The following SPTBN2 variants were observed in gnomAD, a reference collection of about 807,000 sequenced individuals.
SPTBN2 encodes spectrin beta, non-erythrocytic 2, also known as spectrin beta chain, non-erythrocytic 2.
Under a neutral mutation model 284.2 loss-of-function variants are expected in SPTBN2, and 107 were observed. The observed-to-expected ratio is 0.38, with a 90% CI of 0.32 to 0.44. The LOEUF is 0.44. SPTBN2 is among the 20% of genes least tolerant of loss of function. The pLI is 1.00. For missense variants in SPTBN2, 2,569 were observed against 3,287.1 expected (o/e 0.78, Z 5.34); for synonymous variants, 1,289 against 1,354.8 (o/e 0.95, Z 1.07).
chr11:66,713,888 C>T, intron 7 of SPTBN2, 142 bp from the exon 8 acceptor site: 2 of 865,844 alleles, frequency 2.3e-6, no homozygotes, highest in Non-Finnish European at 3.8e-6. Context: ...CTGCTGCTCA[C>T]AGCCCCTCCC....
Position 66,705,857 on chromosome 11 carries a change from T to G in SPTBN2, c.1654-20A>C, listed in dbSNP as rs1361545695. 10 of 1,611,354 alleles carry G rather than the reference T, an allele frequency of 6.2e-6. No homozygotes were observed. Among genetic ancestry groups the G allele is most frequent in the Non-Finnish European group, 5.9e-6 (7 of 1,179,624 alleles). ...CCGGCCCTGCCAGGCACACATGAAGTGCACATGCCCGCCTGAGCACAGACG... is the reference window on the plus strand; with the variant it reads ...CCGGCCCTGCCAGGCACACATGAAGGGCACATGCCCGCCTGAGCACAGACG... On this transcript the variant is annotated intron_variant, in intron 13 of 37. Coordinates refer to ENST00000533211, the MANE Select transcript of SPTBN2 (RefSeq NM_006946.4).
Position 66,686,044 on chromosome 11 carries a change from A to C in SPTBN2, c.7000T>G (p.Ser2334Ala). 6.2e-7 allele frequency: 1 copy of C among 1,613,726 alleles called. No homozygotes were observed. The highest frequency in any genetic ancestry group is 8.5e-7 in the Non-Finnish European group (1 of 1,179,984). The change falls in exon 38 of 38, where the codon TCT (serine) becomes GCT (alanine). Residue 2334 changes from serine (S) to alanine (A), a missense_variant. Ser to Ala is a moderately conservative substitution (Grantham distance 99, BLOSUM62 1). Around this residue, in one of 6 missense-constraint regions of SPTBN2, gnomAD observed 1,130 missense variants for 1,317.3 expected, o/e 0.86. Coordinates refer to ENST00000533211, the MANE Select transcript of SPTBN2 (RefSeq NM_006946.4). ...ACCACCGGCTCTTCAGGCTCTCCAGAGGCAGAAGACGCTGTGGCAATGGCT... is the reference window on the plus strand; with the variant it reads ...ACCACCGGCTCTTCAGGCTCTCCAGCGGCAGAAGACGCTGTGGCAATGGCT... Reference protein sequence around the residue: ...NAAIATASSASGEPEEPVVPS... With the variant: ...NAAIATASSAAGEPEEPVVPS...
intron 5 of SPTBN2, among the ~76,000 whole-genome samples, chr11:66,714,748 C>T (rs750668041): frequency 1.4e-4 from 22 of 151,944 alleles, no homozygotes; most frequent in Non-Finnish European, 2.4e-4. Flanking sequence ...CGACAGAACC[C>T]GGGAAGGAAG....
At position 66,686,379 on chromosome 11, in the gene SPTBN2, A is replaced by G; in HGVS notation, c.6939+19T>C. On this transcript the variant is annotated intron_variant, in intron 37 of 37. Coordinates refer to ENST00000533211, the MANE Select transcript of SPTBN2 (RefSeq NM_006946.4). ...TTCTGGAATGGCACGGACAGAGAGG[A>G]ACACGAAGGACAGCTCACCTCATCC... 1 of 1,614,116 alleles carries G rather than the reference A, an allele frequency of 6.2e-7. No homozygotes were observed. Among genetic ancestry groups the G allele is most frequent in the Non-Finnish European group, 8.5e-7 (1 of 1,179,976 alleles).
upstream of SPTBN2, among the ~76,000 whole-genome samples, chr11:66,731,344 G>A (rs1207784822): frequency 6.6e-6 from 1 of 152,136 alleles, no homozygotes; most frequent in Non-Finnish European, 1.5e-5. Flanking sequence ...AAAATATCTG[G>A]TTCCTTCTTA....
chr11:66,705,206 C>A lies in SPTBN2; in HGVS notation c.2070G>T (p.Met690Ile). Reference protein sequence around the residue: ...LNKHTALRGEMSGRLGPLKLT... With the variant: ...LNKHTALRGEISGRLGPLKLT... ...GCTTCAGGGGCCCCAGCCGGCCGCT[C>A]ATCTCGCCCCGCAGGGCTGTGTGCT... The change falls in exon 15 of 38, where the codon ATG becomes ATT. Residue 690 changes from methionine to isoleucine, a missense_variant. Around this residue, in one of 6 missense-constraint regions of SPTBN2, gnomAD observed 1,012 missense variants for 1,248.9 expected, o/e 0.81. Coordinates refer to ENST00000533211, the MANE Select transcript of SPTBN2 (RefSeq NM_006946.4). 6.5e-7 allele frequency: 1 copy of A among 1,539,946 alleles called. No homozygotes were observed. Among genetic ancestry groups the A allele is most frequent in the Admixed American group, 1.9e-5 (1 of 51,362 alleles).
chr11:66,731,388 C>T (rs915734539), upstream of SPTBN2, among the ~76,000 whole-genome samples: 1 of 152,184 alleles, frequency 6.6e-6, no homozygotes, highest in African/African-American at 2.4e-5. Flanking sequence ...ATGATATCCA[C>T]CAAGTTTGTT....
In SPTBN2 at chr11:66,707,768, G is replaced by A. The variant is rs747312193; in HGVS notation, c.1401C>T (p.His467=). ...CCACGATGTCCGTCTCAATGGCTTCGTGCTTCCGTACTGCTGCCTCGACAG... is the reference window on the plus strand; with the variant it reads ...CCACGATGTCCGTCTCAATGGCTTCATGCTTCCGTACTGCTGCCTCGACAG... ...LAAVEAAVRK[H]EAIETDIVAY... The change falls in exon 13 of 38, where the codon CAC becomes CAT. Residue 467 remains histidine (H), a synonymous_variant. Transcript: ENST00000533211. This position sits in a 1 kb window ranked among gnomAD's most constrained non-coding sequence, Gnocchi z 4.9. 17 of 1,608,818 alleles carry A rather than the reference G, an allele frequency of 1.1e-5. No homozygotes were observed. The Admixed American group carries it at 1.7e-4, about 16-fold the overall frequency.
Position 66,683,763 on chromosome 11 carries a change from G to A in SPTBN2, c.*2108C>T, listed in dbSNP as rs190834275. ...AATTTCTCCATATACATTTCCTTCT[G>A]ACATTTCCAATTATTGTTTCCCTTC... On this transcript the variant is annotated 3_prime_UTR_variant, in exon 38 of 38. Transcript: ENST00000533211. Among the ~76,000 whole-genome samples the A allele has an allele frequency of 2.7e-4, 41 of 152,248 alleles. No homozygotes were observed. The highest frequency in any genetic ancestry group is 9.9e-4 in the African/African-American group (41 of 41,518).
chr11:66,717,394 G>A (rs548607035), intron 3 of SPTBN2, among the ~76,000 whole-genome samples: 20 of 152,140 alleles, frequency 1.3e-4, no homozygotes, highest in Admixed American at 3.9e-4. Flanking sequence ...TTTTGCTTCC[G>A]TCTCAGCACC....
intron 10 of SPTBN2, 75 bp from the exon 11 acceptor site, chr11:66,709,094 G>T: frequency 8.2e-7 from 1 of 1,216,834 alleles, no homozygotes; most frequent in Non-Finnish European, 1.2e-6. Flanking sequence ...CTTCCAAATG[G>T]GTGTCCTGTG....
At chr11:66,697,086 G>T (rs1488131203) in intron 20 of SPTBN2, among the ~76,000 whole-genome samples, 1 of 152,118 alleles carries the variant, frequency 6.6e-6, no homozygotes, top group Non-Finnish European at 1.5e-5. Context: ...GGGAGCTGAT[G>T]GATAAACACA....
At chr11:66,729,293 A>ACTCCAG (rs1212594736), upstream of SPTBN2, 1 of 151,974 alleles carries the variant, frequency 6.6e-6, no homozygotes, top group East Asian at 1.9e-4. Flanking sequence ...TCCCACCCCC[A>ACTCCAG]CTCCAGCTCT....
intron 21 of SPTBN2, 125 bp downstream of exon 21, chr11:66,696,152 G>T (rs903801212): frequency 2.3e-6 from 3 of 1,296,152 alleles, no homozygotes; most frequent in East Asian, 2.5e-5. Flanking sequence ...GCTGCCCAAA[G>T]AAATGACTCT....
chr11:66,701,178 A>T lies in SPTBN2; in HGVS notation c.2921T>A (p.Met974Lys), dbSNP rs1333541281. The T allele has an allele frequency of 6.2e-7, 1 of 1,612,962 alleles. No homozygotes were observed. Among genetic ancestry groups the T allele is most frequent in the Non-Finnish European group, 8.5e-7 (1 of 1,180,020 alleles). ...CTCGATGACTTTGGTCTTCTCTCTC[A>T]TCCAGGCCTGGGTCTCCGTGCACTC... is the stretch of plus-strand genomic sequence containing the variant. ...HLECTETQAW[M>K]REKTKVIEST... Residue 974 changes from methionine (M) to lysine (K), a missense_variant, in exon 17 of 38, where the codon ATG becomes AAG. Met to Lys is a moderately conservative substitution (Grantham distance 95, BLOSUM62 -1). Coordinates refer to ENST00000533211, the MANE Select transcript of SPTBN2 (RefSeq NM_006946.4).
Position 66,715,745 on chromosome 11 carries a change from ACTCT to A in SPTBN2, c.309+81_309+84del, listed in dbSNP as rs955154846. On this transcript the variant is annotated intron_variant, in intron 4 of 37. Coordinates refer to ENST00000533211, the MANE Select transcript of SPTBN2 (RefSeq NM_006946.4). The surrounding 1 kb of genome is among the most constrained non-coding windows in gnomAD (Gnocchi z 5.3). Reference sequence around the variant, plus strand: ...CCACTGCTTCCCGCCCTGTGCCGTCACTCTCTCTGAGGGCTGTTCTTCCAGCTGG... The same window carrying A: ...CCACTGCTTCCCGCCCTGTGCCGTCACTCTGAGGGCTGTTCTTCCAGCTGG... 5.1e-6 allele frequency: 8 copies of A among 1,559,172 alleles called. No individual in the cohort carries two copies. In the Middle Eastern group the frequency reaches 7.4e-4, roughly 144 times the overall value.
chr11:66,738,020 G>A (rs908495525), intron 1 of SPTBN2, among the ~76,000 whole-genome samples: 3 of 152,150 alleles, frequency 2.0e-5, no homozygotes, highest in African/African-American at 7.2e-5. Context: ...TTTGAGACCA[G>A]CCCGGCCAAC....
In SPTBN2 at chr11:66,684,063, A is replaced by G. The variant is rs916210680; in HGVS notation, c.*1808T>C. 6.6e-6 allele frequency among the ~76,000 whole-genome samples: 1 copy of G among 152,166 alleles called. No individual in the cohort carries two copies. The highest frequency in any genetic ancestry group is 2.4e-5 in the African/African-American group (1 of 41,430). ...GTTTGGAGCCCACTCTGGGGCTGTG[A>G]TGTGCTAGTTCTGGGCCTGCACACA... On this transcript the variant is annotated 3_prime_UTR_variant, in exon 38 of 38. Transcript: ENST00000533211.
rs773064194 is a variant in SPTBN2, at chr11:66,686,455, A to G, written c.6897-15T>C. The stretch of plus-strand genomic sequence containing the variant: ...CATCCTGTAAGCTGTTGGGAGAGAG[A>G]GGCCACAGGGCAGAGCTGAGAATCC... On this transcript the variant is annotated splice_polypyrimidine_tract_variant and intron_variant, in intron 36 of 37. Transcript: ENST00000533211. 1.2e-6 allele frequency: 2 copies of G among 1,613,848 alleles called. No individual in the cohort carries two copies. The highest frequency in any genetic ancestry group is 2.2e-5 in the South Asian group (2 of 91,072).
Sources: allele counts gnomAD v4.1 joint callset (sites outside exome capture counted in the v4.1 genomes callset), GRCh38; gene constraint gnomAD v4.1.1; regional missense constraint gnomAD v4.1.1; non-coding constraint Gnocchi (gnomAD v3.1); transcripts MANE v1.5; gene names NCBI Gene and HGNC (gene_info 2026-07-23, HGNC 2026-07-21).